The following NR6A1 variants were observed in gnomAD, a reference collection of about 807,000 sequenced individuals.
NR6A1 encodes retinoic acid receptor-related testis-associated receptor.
Under a neutral mutation model 59.1 loss-of-function variants are expected in NR6A1, and 7 were observed. That is an observed-to-expected ratio of 0.12 (90% CI 0.07 to 0.22). The LOEUF (loss-of-function observed/expected upper bound fraction) is 0.22, where lower values mean the gene tolerates loss of function less well. Ranked by LOEUF, NR6A1 falls within the 10% of genes least tolerant of loss-of-function variation. The pLI is 1.00. For synonymous variants in NR6A1, 243 were observed against 236.1 expected, an observed-to-expected ratio of 1.03 and a Z score of -0.27; for missense variants, 468 against 611.6, an observed-to-expected ratio of 0.77 and a Z score of 2.48.
Position 124,741,432 on chromosome 9 carries a change from G to A in NR6A1, c.101-8083C>T, listed in dbSNP as rs75911637. On this transcript the variant is annotated intron_variant, in intron 1 of 9. Coordinates refer to ENST00000487099, the MANE Select transcript of NR6A1 (RefSeq NM_033334.4). ...CAAATATTAAGTATCTACCCATACT[G>A]TAACAGGCCAGAGGCCTCGAAGGTA... is the stretch of plus-strand genomic sequence containing the variant. Among the ~76,000 whole-genome samples the A allele has an allele frequency of 3.5e-3, 527 of 152,348 alleles. 4 individuals are homozygous for A. Among genetic ancestry groups the A allele is most frequent in the African/African-American group, 0.012 (501 of 41,580 alleles).
At position 124,538,301 on chromosome 9, in the gene NR6A1, A is replaced by T. The variant is rs1232321319; in HGVS notation, c.615T>A (p.Asn205Lys). The T allele has an allele frequency of 1.9e-6, 3 of 1,614,070 alleles. No individual in the cohort carries two copies. The South Asian group carries it at 3.3e-5, about 18-fold the overall frequency. The change falls in exon 6 of 10, where the codon AAT becomes AAA. Residue 205 changes from asparagine (N) to lysine (K), a missense_variant. Coordinates refer to ENST00000487099, the MANE Select transcript of NR6A1 (RefSeq NM_033334.4). ...TLSSSRSVELNGFMAFREQYM... is the reference protein window; with the variant it reads ...TLSSSRSVELKGFMAFREQYM... Reference sequence around the variant, plus strand: ...ACTGTTCCCTGAAGGCCATGAATCCATTCAGTTCCACAGACCTACTGGAGA... The same window carrying T: ...ACTGTTCCCTGAAGGCCATGAATCCTTTCAGTTCCACAGACCTACTGGAGA...
intron 7 of NR6A1, among the ~76,000 whole-genome samples, chr9:124,529,166 T>C (rs1822492605): frequency 6.6e-6 from 1 of 152,248 alleles, no homozygotes; most frequent in Non-Finnish European, 1.5e-5. Flanking sequence ...GCCTGGCCGA[T>C]ACATTCATAT....
intron 2 of NR6A1, among the ~76,000 whole-genome samples, chr9:124,631,417 G>A (rs577516776): frequency 1.3e-5 from 2 of 152,178 alleles, no homozygotes; most frequent in South Asian, 4.2e-4. Context: ...TACCCAAATT[G>A]CTACAAAGAG....
At chr9:124,688,465 G>GT (rs578126785) in intron 2 of NR6A1, among the ~76,000 whole-genome samples, 5 of 152,222 alleles carry the variant, frequency 3.3e-5, no homozygotes, top group Non-Finnish European at 5.9e-5. Context: ...CTATAATTGT[G>GT]TAAGCACAGA....
At chr9:124,536,337 G>A (rs1455714026) in intron 6 of NR6A1, among the ~76,000 whole-genome samples, 6 of 152,090 alleles carry the variant, frequency 3.9e-5, no homozygotes, top group South Asian at 2.1e-4. Flanking sequence ...CTGGAGAGGC[G>A]GGTCTGGTGA....
chr9:124,633,994 G>A (rs1836523621), intron 2 of NR6A1, among the ~76,000 whole-genome samples: 1 of 152,172 alleles, frequency 6.6e-6, no homozygotes, highest in South Asian at 2.1e-4. Context: ...GAATGTTTTT[G>A]GAATATGATG....
chr9:124,555,379 T>C (rs1833893659), intron 2 of NR6A1, among the ~76,000 whole-genome samples: 1 of 152,064 alleles, frequency 6.6e-6, no homozygotes, highest in African/African-American at 2.4e-5. Flanking sequence ...CCAGGGAAGG[T>C]TCCGATCAGA....
intron 9 of NR6A1, among the ~76,000 whole-genome samples, chr9:124,524,057 T>TAC (rs1192506141): frequency 6.6e-6 from 1 of 152,166 alleles, no homozygotes; most frequent in Non-Finnish European, 1.5e-5. Context: ...CATACATACA[T>TAC]ACACACACAC....
intron 2 of NR6A1, among the ~76,000 whole-genome samples, chr9:124,665,365 A>G (rs1438105649): frequency 4.6e-5 from 7 of 152,188 alleles, no homozygotes; most frequent in African/African-American, 1.7e-4. Flanking sequence ...ATGCTAAACT[A>G]TAAGATCTTA....
intron 1 of NR6A1, among the ~76,000 whole-genome samples, chr9:124,750,925 T>C (rs1840482213): frequency 1.3e-5 from 2 of 152,150 alleles, no homozygotes; most frequent in African/African-American, 4.8e-5. Flanking sequence ...TCCTAAATAC[T>C]AGACTCCTTA....
intron 2 of NR6A1, among the ~76,000 whole-genome samples, chr9:124,715,014 A>G (rs1378487302): frequency 6.6e-6 from 1 of 152,126 alleles, no homozygotes; most frequent in South Asian, 2.1e-4. Flanking sequence ...CCTGACCAAC[A>G]TGGTAAAACC....
chr9:124,646,071 A>C (rs1564216618), intron 2 of NR6A1, among the ~76,000 whole-genome samples: 1 of 152,220 alleles, frequency 6.6e-6, no homozygotes, highest in Non-Finnish European at 1.5e-5. Context: ...CTAAATAAAA[A>C]TAAAAATATA....
chr9:124,715,468 G>A (rs1390092863), intron 2 of NR6A1, among the ~76,000 whole-genome samples: 1 of 152,116 alleles, frequency 6.6e-6, no homozygotes, highest in Non-Finnish European at 1.5e-5. Flanking sequence ...CCAGGAGTTT[G>A]AGGCTGCAGT....
chr9:124,707,933 C>G (rs925366625), intron 2 of NR6A1, among the ~76,000 whole-genome samples: 5 of 152,188 alleles, frequency 3.3e-5, no homozygotes, highest in East Asian at 1.9e-4. Flanking sequence ...CAGGCCTTCA[C>G]GTCTGTTCCA....
intron 2 of NR6A1, among the ~76,000 whole-genome samples, chr9:124,570,325 C>T (rs1336450602): frequency 2.6e-5 from 4 of 152,202 alleles, no homozygotes; most frequent in East Asian, 1.9e-4. Flanking sequence ...TAGGCGTGTC[C>T]TTAAACCTTG....
rs532384819 is a variant in NR6A1, at chr9:124,576,703, T to G, written c.143-22133A>C. Among the ~76,000 whole-genome samples, 159 of 152,308 alleles carry G rather than the reference T, an allele frequency of 1.0e-3. 1 individual carries two copies. Among genetic ancestry groups the G allele is most frequent in the African/African-American group, 3.7e-3 (155 of 41,558 alleles). On this transcript the variant is annotated intron_variant, in intron 2 of 9. Transcript: ENST00000487099. Reference sequence around the variant, plus strand: ...CTACTTTACTGGATTTTTGTGAGAATTAAGAGATTAGAATAGGTAAAAGAC... The same window carrying G: ...CTACTTTACTGGATTTTTGTGAGAAGTAAGAGATTAGAATAGGTAAAAGAC...
chr9:124,661,244 T>C lies in NR6A1; in HGVS notation c.142+72064A>G, dbSNP rs548257602. Among the ~76,000 whole-genome samples the C allele has an allele frequency of 4.8e-4, 73 of 152,336 alleles. 2 individuals are homozygous for C. Among genetic ancestry groups the C allele is most frequent in the African/African-American group, 1.8e-3 (73 of 41,576 alleles). ...CCCTGGCTAAATCAGAAATTGCCTC[T>C]ACTTCCTTAAGACCTAAAAAATAAA... On this transcript the variant is annotated intron_variant, in intron 2 of 9. Coordinates refer to ENST00000487099, the MANE Select transcript of NR6A1 (RefSeq NM_033334.4).
intron 2 of NR6A1, among the ~76,000 whole-genome samples, chr9:124,571,970 A>G (rs1316902998): frequency 1.3e-5 from 2 of 152,166 alleles, no homozygotes; most frequent in African/African-American, 2.4e-5. Flanking sequence ...GCCTGCCTAT[A>G]TTTAGAGATC....
intron 2 of NR6A1, among the ~76,000 whole-genome samples, chr9:124,727,307 T>C (rs1381249626): frequency 6.6e-6 from 1 of 152,250 alleles, no homozygotes; most frequent in Admixed American, 6.5e-5. Flanking sequence ...CTTACTCCTT[T>C]GGAGAAGAGT....
Sources: gnomAD v4.1 joint callset for allele counts (sites outside exome capture counted in the v4.1 genomes callset) on GRCh38, gnomAD v4.1.1 for gene constraint, MANE v1.5 for transcripts, NCBI Gene and HGNC (gene_info 2026-07-23, HGNC 2026-07-21) for gene names.